The following MGAT5B variants were observed in gnomAD, a reference collection of about 807,000 sequenced individuals.
MGAT5B encodes N-acetylglucosaminyl-transferase Vb.
Under a neutral mutation model 95.1 loss-of-function variants are expected in MGAT5B, and 54 were observed. The observed-to-expected ratio is 0.57, with a 90% CI of 0.46 to 0.71. The LOEUF is 0.71. MGAT5B is among the 30% of genes least tolerant of loss of function. MGAT5B has a pLI of 0.00. For synonymous variants in MGAT5B, 464 were observed against 451.0 expected (o/e 1.03, Z -0.36); for missense variants, 935 against 1,088.6 (o/e 0.86, Z 1.99).
intron 3 of MGAT5B, among the ~76,000 whole-genome samples, chr17:76,900,662 C>T (rs35084984): frequency 0.15 from 22,882 of 152,284 alleles, 2,379 homozygotes; most frequent in East Asian, 0.52. Flanking sequence ...TGCCACCTCG[C>T]TGTCTGATTT....
Position 76,932,669 on chromosome 17 carries a change from T to C in MGAT5B, c.1316T>C (p.Met439Thr). ...MFPHTPDNSF[M>T]GFVSEELNET... ...GCTCATACCCCCGACAACTCCTTCA[T>C]GGGCTTCGTGTCCGAGGAGCTCAAC... The change falls in exon 11 of 18, where the codon ATG (methionine) becomes ACG (threonine). Residue 439 changes from methionine to threonine, a missense_variant. By Grantham distance (81) the Met-to-Thr change is moderately conservative. This residue lies in a region of MGAT5B where 440 missense variants were observed against 523.6 expected (regional missense o/e 0.84). Transcript: ENST00000569840. 6.2e-7 allele frequency: 1 copy of C among 1,613,850 alleles called. No homozygotes were observed. The highest frequency in any genetic ancestry group is 8.5e-7 in the Non-Finnish European group (1 of 1,179,844).
chr17:76,907,161 C>T (rs1418895503), intron 8 of MGAT5B, among the ~76,000 whole-genome samples: 1 of 152,040 alleles, frequency 6.6e-6, no homozygotes, highest in Admixed American at 6.5e-5. Flanking sequence ...AAGCGATTCT[C>T]CTGCCTCAGC....
intron 3 of MGAT5B, 66 bp downstream of exon 3, chr17:76,882,364 G>C (rs1026638371): frequency 6.1e-5 from 92 of 1,519,172 alleles, no homozygotes; most frequent in Admixed American, 1.8e-4. Flanking sequence ...TCCATCCGGG[G>C]TGCTGTCCGT....
chr17:76,892,812 A>G (rs1967923749), intron 3 of MGAT5B, among the ~76,000 whole-genome samples: 1 of 152,172 alleles, frequency 6.6e-6, no homozygotes. Flanking sequence ...GCTCAGTCTC[A>G]GAGACATGAC....
chr17:76,881,839 C>T (rs938753743), intron 2 of MGAT5B, among the ~76,000 whole-genome samples: 1 of 152,182 alleles, frequency 6.6e-6, no homozygotes, highest in Non-Finnish European at 1.5e-5. Context: ...AAGGTTACAT[C>T]TAAAGTTCCT....
At chr17:76,878,062 A>G (rs1340210817) in intron 2 of MGAT5B, among the ~76,000 whole-genome samples, 1 of 152,156 alleles carries the variant, frequency 6.6e-6, no homozygotes, top group African/African-American at 2.4e-5. Context: ...GCTGATGCCA[A>G]GAGTGGTGAA....
At chr17:76,909,668 T>C (rs966834469) in intron 8 of MGAT5B, among the ~76,000 whole-genome samples, 3 of 152,198 alleles carry the variant, frequency 2.0e-5, no homozygotes, top group Non-Finnish European at 4.4e-5. Flanking sequence ...ACTCAGAGTC[T>C]GCCAGTAACT....
At chr17:76,871,039 A>T (rs1294877000) in intron 1 of MGAT5B, among the ~76,000 whole-genome samples, 4 of 152,006 alleles carry the variant, frequency 2.6e-5, no homozygotes, top group Non-Finnish European at 5.9e-5. Flanking sequence ...GGGGGTAGAC[A>T]CCTTTCTCAT....
chr17:76,905,939 C>A lies in MGAT5B; in HGVS notation c.856-79C>A. 1 of 1,467,928 alleles carries A rather than the reference C, an allele frequency of 6.8e-7. No individual in the cohort carries two copies. Among genetic ancestry groups the A allele is most frequent in the Non-Finnish European group, 9.1e-7 (1 of 1,104,274 alleles). 90.9% of individuals were successfully genotyped at this position (1,467,928 alleles called of 1,614,324 possible). A position where few individuals can be genotyped will look rare whatever the true frequency, so the allele number is the denominator to read the frequency against. On this transcript the variant is annotated intron_variant, in intron 7 of 17. Transcript: ENST00000569840. This position sits in a 1 kb window ranked among gnomAD's most constrained non-coding sequence, Gnocchi z 4.2. ...GAGACAGGGTCTGCTGCCGGCTGGT[C>A]TCCTGGCCGGTGCCCCGGGGGGGCG...
In MGAT5B at chr17:76,938,041, C is replaced by A; in HGVS notation, c.1482C>A (p.Thr494=). ...ACAAATACATGGAGATCCATGGCAC[C>A]GTGTACTACGAGAGCCAGCGGCCCC... ...ILNKYMEIHG[T]VYYESQRPPE... is the part of the protein sequence containing the mutation. Residue 494 remains threonine (T), a synonymous_variant, in exon 13 of 18, where the codon ACC becomes ACA. Coordinates refer to ENST00000569840, the MANE Select transcript of MGAT5B (RefSeq NM_001199172.2). The surrounding 1 kb of genome is among the most constrained non-coding windows in gnomAD (Gnocchi z 4.3). 1 of 1,614,242 alleles carries A rather than the reference C, an allele frequency of 6.2e-7. No homozygotes were observed. Among genetic ancestry groups the A allele is most frequent in the African/African-American group, 1.3e-5 (1 of 75,074 alleles).
intron 2 of MGAT5B, among the ~76,000 whole-genome samples, chr17:76,876,982 G>A (rs989956575): frequency 6.6e-6 from 1 of 152,132 alleles, no homozygotes; most frequent in Non-Finnish European, 1.5e-5. Flanking sequence ...CCATGTGGCT[G>A]CAGATAGTGC....
intron 9 of MGAT5B, 33 bp downstream of exon 9, chr17:76,925,130 C>T (rs367799284): frequency 1.0e-4 from 162 of 1,609,154 alleles, no homozygotes; most frequent in Middle Eastern, 6.6e-4. Context: ...GGCACGTGGC[C>T]CACATGCCAG....
chr17:76,893,963 G>T (rs998948699), intron 3 of MGAT5B, among the ~76,000 whole-genome samples: 1 of 152,198 alleles, frequency 6.6e-6, no homozygotes, highest in Non-Finnish European at 1.5e-5. Context: ...ACCTTCCCGG[G>T]GTGTAAGAGG....
intron 10 of MGAT5B, among the ~76,000 whole-genome samples, chr17:76,928,252 GC>G (rs1969376789): frequency 6.6e-6 from 1 of 152,080 alleles, no homozygotes; most frequent in African/African-American, 2.4e-5. Context: ...TGTGCTCCCA[GC>G]AGAAGAGTGC....
intron 8 of MGAT5B, 76 bp from the exon 9 acceptor site, chr17:76,924,890 G>T: frequency 6.4e-7 from 1 of 1,557,850 alleles, no homozygotes. Context: ...GTTCATTCTG[G>T]GCTCTAAGGA....
chr17:76,947,740 G>T (rs140321861), intron 16 of MGAT5B, 90 bp from the exon 17 acceptor site: 1 of 1,460,900 alleles, frequency 6.8e-7, no homozygotes, highest in South Asian at 1.5e-5. Context: ...GTGGTGGCTC[G>T]TACTGGCACG....
chr17:76,919,456 G>T (rs1172451148), intron 8 of MGAT5B, among the ~76,000 whole-genome samples: 2 of 152,176 alleles, frequency 1.3e-5, no homozygotes, highest in African/African-American at 4.8e-5. Context: ...TTAAGACCGG[G>T]TCTCACTCTG....
rs1010603458 is a variant in MGAT5B, at chr17:76,932,847, C to T, written c.1422+72C>T. ...GGCCCCCGCCTGGGTCCCGCATCTC[C>T]TCCTTCCAGGATGCGGTGCCCTCCT... On this transcript the variant is annotated intron_variant, in intron 11 of 17. Coordinates refer to ENST00000569840, the MANE Select transcript of MGAT5B (RefSeq NM_001199172.2). 3 of 1,570,500 alleles carry T rather than the reference C, an allele frequency of 1.9e-6. No homozygotes were observed. In the African/African-American group the frequency reaches 4.1e-5, roughly 21 times the overall value.
chr17:76,943,761 AC>A (rs1411488979), intron 15 of MGAT5B, among the ~76,000 whole-genome samples: 1 of 151,990 alleles, frequency 6.6e-6, no homozygotes, highest in Non-Finnish European at 1.5e-5. Flanking sequence ...ATTTTAGAAA[AC>A]AGATTTAGGG....
Sources: allele counts gnomAD v4.1 joint callset (sites outside exome capture counted in the v4.1 genomes callset), GRCh38; gene constraint gnomAD v4.1.1; regional missense constraint gnomAD v4.1.1; non-coding constraint Gnocchi (gnomAD v3.1); transcripts MANE v1.5; gene names NCBI Gene and HGNC (gene_info 2026-07-23, HGNC 2026-07-21).